Variants in EXOC4 observed in about 807,000 individuals in gnomAD.
The protein encoded by EXOC4 is SEC8-like 1.
A neutral mutation model predicts 107.2 loss-of-function variants in EXOC4; 71 were observed. That is an observed-to-expected ratio of 0.66 (90% CI 0.55 to 0.81). The LOEUF (loss-of-function observed/expected upper bound fraction) is 0.81, where lower values mean the gene tolerates loss of function less well. Among genes scored for constraint, EXOC4 ranks in the 30% least tolerant of loss-of-function variants. EXOC4 has a pLI of 0.00. For synonymous variants in EXOC4, 456 were observed against 441.2 expected (o/e 1.03, Z -0.42); for missense variants, 1,108 against 1,189.6 (o/e 0.93, Z 1.01).
intron 7 of EXOC4, among the ~76,000 whole-genome samples, chr7:133,474,986 C>T (rs1301262759): frequency 2.6e-5 from 4 of 152,098 alleles, no homozygotes; most frequent in Non-Finnish European, 4.4e-5. Flanking sequence ...GCTAATGCTG[C>T]TGTAGTTTGG....
chr7:134,036,641 G>T (rs1795397363), intron 17 of EXOC4, among the ~76,000 whole-genome samples: 2 of 152,168 alleles, frequency 1.3e-5, no homozygotes, highest in Admixed American at 6.5e-5. Flanking sequence ...TTTTTTCTTG[G>T]ATTAAACAGC....
intron 10 of EXOC4, among the ~76,000 whole-genome samples, chr7:133,775,564 A>G (rs1267966956): frequency 6.6e-6 from 1 of 152,208 alleles, no homozygotes; most frequent in Non-Finnish European, 1.5e-5. Flanking sequence ...ATCAGCAGGC[A>G]TGTCTATAAC....
chr7:133,856,027 T>A (rs1161844193), intron 11 of EXOC4, among the ~76,000 whole-genome samples: 1 of 152,196 alleles, frequency 6.6e-6, no homozygotes, highest in African/African-American at 2.4e-5. Flanking sequence ...GGTTAAAAGA[T>A]CTGGAACACG....
chr7:133,528,166 A>G (rs1304779536), intron 9 of EXOC4, among the ~76,000 whole-genome samples: 1 of 152,190 alleles, frequency 6.6e-6, no homozygotes, highest in Admixed American at 6.5e-5. Context: ...GGTGGTATCT[A>G]TGTGACATGA....
At chr7:133,800,922 G>A (rs193041450) in intron 10 of EXOC4, among the ~76,000 whole-genome samples, 1 of 152,228 alleles carries the variant, frequency 6.6e-6, no homozygotes, top group East Asian at 1.9e-4. Context: ...AATTATCTTA[G>A]GGAATACAGT....
At chr7:133,293,137 G>A (rs1794444034) in intron 3 of EXOC4, among the ~76,000 whole-genome samples, 2 of 152,046 alleles carry the variant, frequency 1.3e-5, no homozygotes, top group South Asian at 4.1e-4. Context: ...TTATAACTTT[G>A]CATGTTCTGA....
intron 17 of EXOC4, among the ~76,000 whole-genome samples, chr7:134,048,295 G>C (rs1331270426): frequency 6.6e-6 from 1 of 152,208 alleles, no homozygotes. Context: ...TTTGAATCTT[G>C]TAGGTAATTT....
At chr7:133,560,749 A>T (rs887543888) in intron 9 of EXOC4, among the ~76,000 whole-genome samples, 2 of 152,230 alleles carry the variant, frequency 1.3e-5, no homozygotes, top group African/African-American at 4.8e-5. Flanking sequence ...GAAAGCAAAG[A>T]TGAGTAAAAG....
At chr7:133,839,292 C>A (rs926547553) in intron 11 of EXOC4, among the ~76,000 whole-genome samples, 1 of 152,096 alleles carries the variant, frequency 6.6e-6, no homozygotes, top group Non-Finnish European at 1.5e-5. Context: ...TTTATCCCAT[C>A]CCTTGCCATA....
chr7:134,098,610 G>T, the EXOC4 span, among the ~76,000 whole-genome samples: 1 of 152,158 alleles, frequency 6.6e-6, no homozygotes, highest in Non-Finnish European at 1.5e-5. Flanking sequence ...GCAGTTGGAG[G>T]TACTGCCTCT....
chr7:134,073,226 A>AAC, the EXOC4 span, among the ~76,000 whole-genome samples: 1 of 34,726 alleles, frequency 2.9e-5, no homozygotes, highest in African/African-American at 1.5e-4. Context: ...AAAAAAAAAA[A>AAC]AAAAAACAAC....
At chr7:133,445,803 G>A (rs1018572239) in intron 7 of EXOC4, among the ~76,000 whole-genome samples, 1 of 151,908 alleles carries the variant, frequency 6.6e-6, no homozygotes, top group African/African-American at 2.4e-5. Flanking sequence ...CTTGAGCCCA[G>A]GAGTTTAAGA....
At chr7:133,312,069 A>G (rs148818865) in intron 4 of EXOC4, among the ~76,000 whole-genome samples, 45 of 152,298 alleles carry the variant, frequency 3.0e-4, no homozygotes, top group African/African-American at 1.1e-3. Context: ...TACATCCTAC[A>G]AAAACAGTAC....
chr7:133,584,577 T>TTTG (rs1554475065), intron 9 of EXOC4, among the ~76,000 whole-genome samples: 2 of 133,518 alleles, frequency 1.5e-5, no homozygotes, highest in African/African-American at 5.5e-5. Flanking sequence ...TATTTCAGTT[T>TTTG]TTTTTTTGTT....
At chr7:133,976,692 A>C (rs576641581) in intron 14 of EXOC4, among the ~76,000 whole-genome samples, 75 of 152,346 alleles carry the variant, frequency 4.9e-4, no homozygotes, top group African/African-American at 1.8e-3. Flanking sequence ...AAACACGGGC[A>C]CTATGCATAT....
At chr7:133,635,373 A>G (rs1376554815) in intron 10 of EXOC4, among the ~76,000 whole-genome samples, 2 of 152,204 alleles carry the variant, frequency 1.3e-5, no homozygotes, top group Non-Finnish European at 2.9e-5. Flanking sequence ...TTGTGTTTTC[A>G]TTCATTTCTT....
the EXOC4 span, among the ~76,000 whole-genome samples, chr7:134,098,505 G>A: frequency 6.6e-6 from 1 of 152,088 alleles, no homozygotes; most frequent in Non-Finnish European, 1.5e-5. Context: ...AGAAAGCTAG[G>A]TCTGCATCTT....
At chr7:134,000,913 AT>A (rs904671525) in intron 15 of EXOC4, among the ~76,000 whole-genome samples, 3 of 152,156 alleles carry the variant, frequency 2.0e-5, no homozygotes, top group Non-Finnish European at 4.4e-5. Flanking sequence ...GTTCCCCCAA[AT>A]ATCTTTATAT....
At chr7:133,631,989 TGTCA>T (rs1471666085) in intron 10 of EXOC4, among the ~76,000 whole-genome samples, 11 of 152,278 alleles carry the variant, frequency 7.2e-5, no homozygotes, top group African/African-American at 1.9e-4. Context: ...TTAACCGTGT[TGTCA>T]GTAACCACTT....
Sources: gnomAD v4.1 joint callset for allele counts (sites outside exome capture counted in the v4.1 genomes callset) on GRCh38, gnomAD v4.1.1 for gene constraint, MANE v1.5 for transcripts, NCBI Gene and HGNC (gene_info 2026-07-23, HGNC 2026-07-21) for gene names.